Variants in SSPN observed in about 807,000 individuals in gnomAD.
The protein encoded by SSPN is sarcospan.
SSPN carries 15 observed loss-of-function variants against 19.1 expected under a neutral mutation model. The observed-to-expected ratio is 0.78, with a 90% CI of 0.52 to 1.21. SSPN has a LOEUF of 1.21. Ranked by LOEUF, SSPN falls within the 50% of genes most tolerant of loss-of-function variation. The pLI is 0.00. For missense variants in SSPN, 291 were observed against 314.0 expected (o/e 0.93, Z 0.55); for synonymous variants, 147 against 140.3 (o/e 1.05, Z -0.34).
upstream of SSPN, among the ~76,000 whole-genome samples, chr12:26,191,697 CACACACACACACACACACACAAAT>C (rs1944789447): frequency 1.4e-5 from 1 of 70,420 alleles, no homozygotes; most frequent in African/African-American, 8.3e-5. Flanking sequence ...CACACACACA[CACACACACACACACACACACAAAT>C]ACACACACAG....
rs542724571 is a variant in SSPN at position 26,137,190 on chromosome 12, T to C, written c.-31+15038T>C. Among the ~76,000 whole-genome samples the C allele has an allele frequency of 2.2e-3, 334 of 152,216 alleles. 2 individuals are homozygous for C. The highest frequency in any genetic ancestry group is 1.3e-3 in the Admixed American group (20 of 15,282). ...GAAAAGGAAAAAACTGCGGCACAGG[T>C]TAAGTAATTTGTCCATGTCACACAA... On this transcript the variant is annotated intron_variant, in intron 1 of 2. Transcript: ENST00000538142.
At chr12:26,182,149 A>G (rs1944722346) in intron 1 of SSPN, among the ~76,000 whole-genome samples, 1 of 152,120 alleles carries the variant, frequency 6.6e-6, no homozygotes, top group Admixed American at 6.6e-5. Flanking sequence ...ACTGTCCTCT[A>G]CTCGTAGTAA....
chr12:26,201,297 C>G (rs1944882845), intron 1 of SSPN, among the ~76,000 whole-genome samples: 1 of 150,742 alleles, frequency 6.6e-6, no homozygotes, highest in South Asian at 2.1e-4. Flanking sequence ...AGGATCACTT[C>G]AGCCTGGGAG....
At chr12:26,144,288 C>T (rs1459891064) in intron 1 of SSPN, among the ~76,000 whole-genome samples, 1 of 152,146 alleles carries the variant, frequency 6.6e-6, no homozygotes, top group Non-Finnish European at 1.5e-5. Flanking sequence ...CAGAACTTTG[C>T]CATGGTTTAC....
intron 1 of SSPN, among the ~76,000 whole-genome samples, chr12:26,166,175 G>A (rs1435316935): frequency 1.3e-5 from 2 of 152,146 alleles, no homozygotes; most frequent in African/African-American, 4.8e-5. Flanking sequence ...TAATGTAGAT[G>A]ACGGTTGATG....
chr12:26,210,164 C>T (rs1411542604), intron 1 of SSPN, among the ~76,000 whole-genome samples: 2 of 151,870 alleles, frequency 1.3e-5, no homozygotes, highest in Non-Finnish European at 2.9e-5. Flanking sequence ...TATCTGTATG[C>T]TCCTATATTT....
At chr12:26,207,052 C>T (rs185481999) in intron 1 of SSPN, among the ~76,000 whole-genome samples, 4 of 152,110 alleles carry the variant, frequency 2.6e-5, no homozygotes, top group Admixed American at 1.3e-4. Flanking sequence ...ACCGTGCTAG[C>T]GCAGAGAAGA....
At chr12:26,138,046 A>T (rs1482749540) in intron 1 of SSPN, among the ~76,000 whole-genome samples, 1 of 152,084 alleles carries the variant, frequency 6.6e-6, no homozygotes, top group Non-Finnish European at 1.5e-5. Context: ...CATGATACTA[A>T]AATCTGTGGA....
upstream of SSPN, among the ~76,000 whole-genome samples, chr12:26,194,425 G>A (rs971360107): frequency 1.3e-5 from 2 of 152,120 alleles, no homozygotes; most frequent in Non-Finnish European, 2.9e-5. Flanking sequence ...TTGCTCTGTC[G>A]CCCAGGCTGG....
At chr12:26,208,018 TGGGG>T (rs57868336) in intron 1 of SSPN, among the ~76,000 whole-genome samples, 2 of 134,796 alleles carry the variant, frequency 1.5e-5, no homozygotes, top group African/African-American at 5.4e-5. Context: ...GTGGTGGTGG[TGGGG>T]GGGGGGGATA....
intron 1 of SSPN, among the ~76,000 whole-genome samples, chr12:26,205,410 G>T (rs893520956): frequency 1.2e-4 from 18 of 152,164 alleles, no homozygotes; most frequent in African/African-American, 4.1e-4. Context: ...ACGAGCGAGA[G>T]AATTTTAGCT....
chr12:26,194,325 A>C (rs552242992), upstream of SSPN, among the ~76,000 whole-genome samples: 10 of 152,226 alleles, frequency 6.6e-5, no homozygotes, highest in African/African-American at 2.2e-4. Context: ...ACTCTTAAAT[A>C]TTGACTGAGT....
chr12:26,211,494 C>T (rs951601314), intron 1 of SSPN: 4 of 152,218 alleles, frequency 2.6e-5, no homozygotes, highest in African/African-American at 9.6e-5. Flanking sequence ...ATTGTAGTCA[C>T]TTTGTGCTGG....
intron 1 of SSPN, among the ~76,000 whole-genome samples, chr12:26,189,153 C>A (rs1231250269): frequency 6.6e-6 from 1 of 151,938 alleles, no homozygotes; most frequent in Non-Finnish European, 1.5e-5. Context: ...TATAAAGATA[C>A]ATAAACCTTT....
intron 1 of SSPN, among the ~76,000 whole-genome samples, chr12:26,155,199 C>T (rs1944548763): frequency 6.6e-6 from 1 of 152,118 alleles, no homozygotes; most frequent in Admixed American, 6.6e-5. Flanking sequence ...TTGGGTAACA[C>T]CTCTTTCTTC....
intron 1 of SSPN, among the ~76,000 whole-genome samples, chr12:26,144,395 C>G (rs1266522317): frequency 6.6e-6 from 1 of 152,148 alleles, no homozygotes; most frequent in African/African-American, 2.4e-5. Context: ...GGTGCCTAAA[C>G]TAGGAGAGTT....
At chr12:26,122,033 T>A in exon 1 of SSPN, 1 of 1,548,286 alleles carries the variant, frequency 6.5e-7, no homozygotes, top group Non-Finnish European at 8.7e-7. Context: ...CTTCTCACTC[T>A]GCTTGAACCT....
chr12:26,188,393 A>T (rs1254244050), intron 1 of SSPN, among the ~76,000 whole-genome samples: 1 of 152,250 alleles, frequency 6.6e-6, no homozygotes, highest in Non-Finnish European at 1.5e-5. Context: ...CATGCATATT[A>T]TACAAATGAT....
At chr12:26,128,807 G>C (rs747097593) in intron 1 of SSPN, among the ~76,000 whole-genome samples, 3 of 152,088 alleles carry the variant, frequency 2.0e-5, no homozygotes, top group Non-Finnish European at 4.4e-5. Context: ...AATAGGCGAG[G>C]GGTAGCTGCT....
Sources: gnomAD v4.1 joint callset for allele counts (sites outside exome capture counted in the v4.1 genomes callset) on GRCh38, gnomAD v4.1.1 for gene constraint, MANE v1.5 for transcripts, NCBI Gene and HGNC (gene_info 2026-07-23, HGNC 2026-07-21) for gene names.